SH3GL2: variants seen among roughly 807,000 people sequenced by gnomAD.
The protein encoded by SH3GL2 is endophilin-A1.
A neutral mutation model predicts 46.0 loss-of-function variants in SH3GL2; 24 were observed. That is an observed-to-expected ratio of 0.52 (90% CI 0.38 to 0.73). The LOEUF (loss-of-function observed/expected upper bound fraction) is 0.73, where lower values mean the gene tolerates loss of function less well. SH3GL2 is among the 30% of genes least tolerant of loss of function. The pLI, the probability that SH3GL2 is intolerant of heterozygous loss-of-function variation, is 0.00. For missense variants in SH3GL2, 413 were observed against 424.2 expected (o/e 0.97, Z 0.23); for synonymous variants, 196 against 147.1 (o/e 1.33, Z -2.40).
At chr9:17,693,947 A>T (rs1821143953) in intron 1 of SH3GL2, among the ~76,000 whole-genome samples, 1 of 152,210 alleles carries the variant, frequency 6.6e-6, no homozygotes, top group Admixed American at 6.6e-5. Flanking sequence ...GAGGAAGCTT[A>T]TTAATGATCT....
chr9:17,680,121 T>C (rs1175466973), intron 1 of SH3GL2, among the ~76,000 whole-genome samples: 2 of 152,200 alleles, frequency 1.3e-5, no homozygotes, highest in African/African-American at 4.8e-5. Context: ...CCGGCTTTGG[T>C]ATCAGGATGA....
At chr9:17,665,857 ATCTG>A (rs1820329627) in intron 1 of SH3GL2, among the ~76,000 whole-genome samples, 1 of 148,670 alleles carries the variant, frequency 6.7e-6, no homozygotes, top group Admixed American at 6.8e-5. Flanking sequence ...ATAAATATGC[ATCTG>A]TCTGTTCATC....
intron 1 of SH3GL2, among the ~76,000 whole-genome samples, chr9:17,690,855 A>G (rs762719391): frequency 1.3e-5 from 2 of 152,164 alleles, no homozygotes; most frequent in African/African-American, 4.8e-5. Flanking sequence ...GAATTTGTTC[A>G]TGAAGCTTAA....
chr9:17,600,895 T>A (rs1438760572), intron 1 of SH3GL2, among the ~76,000 whole-genome samples: 1 of 152,150 alleles, frequency 6.6e-6, no homozygotes, highest in Non-Finnish European at 1.5e-5. Context: ...AATTTAGAGT[T>A]TAGAGTTTAG....
chr9:17,653,909 T>A (rs1820010098), intron 1 of SH3GL2: 2 of 933,910 alleles, frequency 2.1e-6, no homozygotes, highest in Non-Finnish European at 2.6e-6. Context: ...TTCAAACAGG[T>A]AGAAAACATC....
At position 17,793,343 on chromosome 9, in the gene SH3GL2, C is replaced by A. The variant is rs192102717; in HGVS notation, c.729-24C>A. On this transcript the variant is annotated intron_variant, in intron 7 of 8. Coordinates refer to ENST00000380607, the MANE Select transcript of SH3GL2 (RefSeq NM_003026.5). Reference sequence around the variant, plus strand: ...CTTCTTAACTGGTTACATAACCTTTCCACCACTTTTCTTTTTACTGCAGAA... The same window carrying A: ...CTTCTTAACTGGTTACATAACCTTTACACCACTTTTCTTTTTACTGCAGAA... 976 of 1,599,436 alleles carry A rather than the reference C, an allele frequency of 6.1e-4. 6 individuals carry two copies. The African/African-American group carries it at 0.012, about 19-fold the overall frequency.
intron 1 of SH3GL2, among the ~76,000 whole-genome samples, chr9:17,618,913 A>C (rs952106879): frequency 1.3e-5 from 2 of 151,998 alleles, no homozygotes; most frequent in Non-Finnish European, 2.9e-5. Flanking sequence ...AAAAAGTCCA[A>C]AGTTGGCTTA....
chr9:17,671,779 C>G (rs1217156251), intron 1 of SH3GL2, among the ~76,000 whole-genome samples: 1 of 152,182 alleles, frequency 6.6e-6, no homozygotes, highest in Non-Finnish European at 1.5e-5. Context: ...TGTAATTTCA[C>G]AAACTTAATA....
At chr9:17,643,153 G>A (rs1563794700) in intron 1 of SH3GL2, among the ~76,000 whole-genome samples, 1 of 152,168 alleles carries the variant, frequency 6.6e-6, no homozygotes, top group Non-Finnish European at 1.5e-5. Context: ...TGTAGCAATT[G>A]TGAATGGGAG....
At chr9:17,590,221 A>T (rs955384474) in intron 1 of SH3GL2, 1 of 152,228 alleles carries the variant, frequency 6.6e-6, no homozygotes, top group African/African-American at 2.4e-5. Context: ...TATACCATTC[A>T]TTATTTTACT....
chr9:17,751,911 G>A (rs1290835722), intron 2 of SH3GL2, among the ~76,000 whole-genome samples: 1 of 152,148 alleles, frequency 6.6e-6, no homozygotes, highest in African/African-American at 2.4e-5. Context: ...GAGCTTTGAA[G>A]ACATCTTTTT....
chr9:17,605,456 A>G (rs1009435673), intron 1 of SH3GL2, among the ~76,000 whole-genome samples: 3 of 152,118 alleles, frequency 2.0e-5, no homozygotes, highest in Non-Finnish European at 4.4e-5. Context: ...GCAGGTATGT[A>G]TTGAGAACCA....
intron 6 of SH3GL2, 66 bp from the exon 7 acceptor site, chr9:17,791,165 A>G: frequency 8.8e-7 from 1 of 1,139,572 alleles, no homozygotes; most frequent in South Asian, 1.2e-5. Flanking sequence ...TATGTATGAA[A>G]CAGTAGTGGC....
intron 1 of SH3GL2, among the ~76,000 whole-genome samples, chr9:17,642,001 T>A (rs994419365): frequency 1.3e-5 from 2 of 152,172 alleles, no homozygotes; most frequent in Non-Finnish European, 2.9e-5. Context: ...TTCTAGATCC[T>A]TGAGGAATCA....
At chr9:17,707,627 C>T (rs1301582122) in intron 1 of SH3GL2, among the ~76,000 whole-genome samples, 1 of 152,032 alleles carries the variant, frequency 6.6e-6, no homozygotes, top group Non-Finnish European at 1.5e-5. Context: ...TTAAATATTC[C>T]ATTTCAGTCA....
intron 1 of SH3GL2, among the ~76,000 whole-genome samples, chr9:17,674,660 G>A (rs1157623866): frequency 6.6e-6 from 1 of 152,062 alleles, no homozygotes; most frequent in African/African-American, 2.4e-5. Flanking sequence ...CTTTTTAGGG[G>A]TCACTCATGG....
chr9:17,789,583 T>C (rs1824062419), intron 6 of SH3GL2, 33 bp downstream of exon 6: 2 of 1,611,170 alleles, frequency 1.2e-6, no homozygotes, highest in East Asian at 4.5e-5. Flanking sequence ...AATTTAATCT[T>C]ATCATCGAGG....
At chr9:17,628,362 C>G (rs1195140351) in intron 1 of SH3GL2, among the ~76,000 whole-genome samples, 1 of 151,648 alleles carries the variant, frequency 6.6e-6, no homozygotes, top group Non-Finnish European at 1.5e-5. Flanking sequence ...CAGTGCCAAG[C>G]TTAAAAATGC....
rs532974880 is a variant in SH3GL2, at chr9:17,756,787, C to T, written c.115-4650C>T. ...TGTGAATAGTGCCGCAATAAACATACGTGTGCATGTGTCTTTATAGCAGCA... is the reference window on the plus strand; with the variant it reads ...TGTGAATAGTGCCGCAATAAACATATGTGTGCATGTGTCTTTATAGCAGCA... On this transcript the variant is annotated intron_variant, in intron 2 of 8. Coordinates refer to ENST00000380607, the MANE Select transcript of SH3GL2 (RefSeq NM_003026.5). 1.3e-3 allele frequency among the ~76,000 whole-genome samples: 200 copies of T among 152,054 alleles called. 1 individual carries two copies. Among genetic ancestry groups the T allele is most frequent in the Non-Finnish European group, 1.6e-3 (106 of 68,004 alleles).
Sources: allele counts gnomAD v4.1 joint callset (sites outside exome capture counted in the v4.1 genomes callset), GRCh38; gene constraint gnomAD v4.1.1; transcripts MANE v1.5; gene names NCBI Gene and HGNC (gene_info 2026-07-23, HGNC 2026-07-21).